The following DLC1 variants were observed in gnomAD, a reference collection of about 807,000 sequenced individuals.
DLC1 encodes the protein rho GTPase-activating protein 7.
Under a neutral mutation model 140.3 loss-of-function variants are expected in DLC1, and 54 were observed. The ratio of observed to expected loss-of-function variants is 0.38; its 90% CI spans 0.31 to 0.48. DLC1 has a LOEUF of 0.48. Among genes scored for constraint, DLC1 ranks in the 20% least tolerant of loss-of-function variants. The probability of loss-of-function intolerance (pLI) is 0.96; values close to 1 mark genes in which losing one functional copy is unlikely to be tolerated. For synonymous variants in DLC1, 986 were observed against 728.1 expected (o/e 1.35, Z -5.70); for missense variants, 2,536 against 1,907.0 (o/e 1.33, Z -6.14).
chr8:13,204,070 A>G lies in DLC1; in HGVS notation c.1349-88413T>C, dbSNP rs77058876. Among the ~76,000 whole-genome samples the G allele has an allele frequency of 1.1e-3, 175 of 152,260 alleles. 1 individual carries two copies. The East Asian group carries it at 0.022, about 19-fold the overall frequency. ...GTTGTTGGGGTCGGAGGTGACTTTGAAGAAAGTCTTGAAGTTTGGAAGGAC... is the reference window on the plus strand; with the variant it reads ...GTTGTTGGGGTCGGAGGTGACTTTGGAGAAAGTCTTGAAGTTTGGAAGGAC... On this transcript the variant is annotated intron_variant, in intron 5 of 17. Transcript: ENST00000276297.
chr8:13,258,453 T>C (rs1830342058), intron 5 of DLC1, among the ~76,000 whole-genome samples: 1 of 152,234 alleles, frequency 6.6e-6, no homozygotes, highest in Non-Finnish European at 1.5e-5. Flanking sequence ...ATATTCCCAT[T>C]TACTTATAAT....
At chr8:13,199,349 G>T (rs1363308302) in intron 5 of DLC1, among the ~76,000 whole-genome samples, 2 of 151,762 alleles carry the variant, frequency 1.3e-5, no homozygotes, top group Non-Finnish European at 2.9e-5. Context: ...ACACCTGGCT[G>T]ATTTTTAAAT....
chr8:13,205,408 T>C (rs974849003), intron 5 of DLC1, among the ~76,000 whole-genome samples: 2 of 152,220 alleles, frequency 1.3e-5, no homozygotes, highest in African/African-American at 4.8e-5. Context: ...CATGTGTCAC[T>C]TATACTCAAA....
chr8:13,231,711 A>G (rs1197038256), intron 5 of DLC1, among the ~76,000 whole-genome samples: 1 of 152,228 alleles, frequency 6.6e-6, no homozygotes, highest in Non-Finnish European at 1.5e-5. Flanking sequence ...ATTTGTCTAA[A>G]GTCACAAGGC....
chr8:13,089,728 T>C (rs1817884781), intron 15 of DLC1, among the ~76,000 whole-genome samples: 1 of 152,194 alleles, frequency 6.6e-6, no homozygotes, highest in Non-Finnish European at 1.5e-5. Flanking sequence ...ATTTTCAAGA[T>C]GGTAGAGGCG....
intron 4 of DLC1, among the ~76,000 whole-genome samples, chr8:13,310,609 A>G (rs532854517): frequency 1.3e-5 from 2 of 152,254 alleles, no homozygotes; most frequent in Non-Finnish European, 2.9e-5. Context: ...GAAAGAAGGT[A>G]CATGGGAAAA....
At chr8:13,449,301 G>A (rs1446453553) in intron 2 of DLC1, among the ~76,000 whole-genome samples, 1 of 152,136 alleles carries the variant, frequency 6.6e-6, no homozygotes, top group East Asian at 1.9e-4. Context: ...GAAATGGAGG[G>A]AACATTTGTC....
chr8:13,158,944 C>T (rs1824478192), intron 5 of DLC1, among the ~76,000 whole-genome samples: 1 of 152,010 alleles, frequency 6.6e-6, no homozygotes, highest in Non-Finnish European at 1.5e-5. Flanking sequence ...GTGCCCTGAG[C>T]CCCTGAACCT....
chr8:13,486,160 G>C (rs972515919), intron 2 of DLC1, among the ~76,000 whole-genome samples: 1 of 152,130 alleles, frequency 6.6e-6, no homozygotes, highest in Non-Finnish European at 1.5e-5. Flanking sequence ...AAGGAGTACA[G>C]AATAACCGAA....
intron 6 of DLC1, among the ~76,000 whole-genome samples, chr8:13,114,691 C>A (rs1274074566): frequency 6.6e-6 from 1 of 151,984 alleles, no homozygotes; most frequent in Non-Finnish European, 1.5e-5. Flanking sequence ...TAAAAAGAGC[C>A]CTTATAAATC....
At chr8:13,099,304 A>AC in intron 9 of DLC1, 43 bp downstream of exon 9, 1 of 1,570,228 alleles carries the variant, frequency 6.4e-7, no homozygotes, top group South Asian at 1.2e-5. Context: ...TGTCTTTCTG[A>AC]CCCCCAGTGC....
At chr8:13,226,102 T>G (rs116708467) in intron 5 of DLC1, among the ~76,000 whole-genome samples, 3,513 of 152,074 alleles carry the variant, frequency 0.023, 151 homozygotes, top group African/African-American at 0.079. Context: ...TTAGTGGAAA[T>G]GAGATCTTGC....
At chr8:13,422,473 A>C (rs1187823237) in intron 2 of DLC1, among the ~76,000 whole-genome samples, 1 of 151,588 alleles carries the variant, frequency 6.6e-6, no homozygotes, top group African/African-American at 2.4e-5. Context: ...TTGGCTTCCT[A>C]GGTTTTGACT....
At position 13,218,741 on chromosome 8, in the gene DLC1, T is replaced by C. The variant is rs184900707; in HGVS notation, c.1348+86528A>G. ...TCTTAATAAGTTAAATATATAATTA[T>C]CATATGACCCACCAATTCTATTCAT... is the stretch of plus-strand genomic sequence containing the variant. On this transcript the variant is annotated intron_variant, in intron 5 of 17. Coordinates refer to ENST00000276297, the MANE Select transcript of DLC1 (RefSeq NM_182643.3). Among the ~76,000 whole-genome samples, 183 of 146,310 alleles carry C rather than the reference T, an allele frequency of 1.3e-3. 1 individual carries two copies. The highest frequency in any genetic ancestry group is 4.3e-3 in the African/African-American group (172 of 39,830).
At chr8:13,569,423 AACCATT>A (rs1804569205) in intron 1 of DLC1, among the ~76,000 whole-genome samples, 1 of 152,212 alleles carries the variant, frequency 6.6e-6, no homozygotes, top group Non-Finnish European at 1.5e-5. Flanking sequence ...AATGGAAAAT[AACCATT>A]ACCATTTTCA....
At chr8:13,241,412 A>T (rs1829538779) in intron 5 of DLC1, among the ~76,000 whole-genome samples, 1 of 152,066 alleles carries the variant, frequency 6.6e-6, no homozygotes, top group South Asian at 2.1e-4. Context: ...GATTTGGGGT[A>T]CATTTTTTTC....
chr8:13,540,000 C>G (rs942880275), intron 1 of DLC1, among the ~76,000 whole-genome samples: 6 of 152,144 alleles, frequency 3.9e-5, no homozygotes, highest in Non-Finnish European at 8.8e-5. Context: ...TTTAAAAACT[C>G]TGGAGACAGT....
chr8:13,590,077 A>ATATATATATATATCTC lies in DLC1; in HGVS notation c.-126+14459_-126+14460insGAGATATATATATATA, dbSNP rs11272767. ...ACTCAACATGCATATATATATATAT[A>ATATATATATATATCTC]CAAACACATGCTTTTATTTTGTTTT... is the stretch of plus-strand genomic sequence containing the variant. On this transcript the variant is annotated intron_variant, in intron 1 of 1. Coordinates refer to the DLC1 transcript ENST00000631382. 3.7e-4 allele frequency among the ~76,000 whole-genome samples: 54 copies of ATATATATATATATCTC among 145,276 alleles called. 1 individual carries two copies. Among genetic ancestry groups the ATATATATATATATCTC allele is most frequent in the Non-Finnish European group, 6.8e-4 (45 of 66,648 alleles).
At chr8:13,433,122 G>A (rs1460228710) in intron 2 of DLC1, among the ~76,000 whole-genome samples, 2 of 152,054 alleles carry the variant, frequency 1.3e-5, no homozygotes, top group Non-Finnish European at 2.9e-5. Flanking sequence ...AGTACAGGAT[G>A]TGTTAGCTAT....
Sources: gnomAD v4.1 joint callset for allele counts (sites outside exome capture counted in the v4.1 genomes callset) on GRCh38, gnomAD v4.1.1 for gene constraint, MANE v1.5 for transcripts, NCBI Gene and HGNC (gene_info 2026-07-23, HGNC 2026-07-21) for gene names.